Variants in EGFR observed in about 807,000 individuals in gnomAD.
EGFR encodes the protein epidermal growth factor receptor.
EGFR carries 58 observed loss-of-function variants against 143.0 expected under a neutral mutation model. That is an observed-to-expected ratio of 0.41 (90% CI 0.33 to 0.50). The LOEUF is 0.50. Among genes scored for constraint, EGFR ranks in the 20% least tolerant of loss-of-function variants. The probability of loss-of-function intolerance (pLI) is 0.39; values close to 1 mark genes in which losing one functional copy is unlikely to be tolerated. For synonymous variants in EGFR, 613 were observed against 594.4 expected (o/e 1.03, Z -0.45); for missense variants, 1,307 against 1,579.0 (o/e 0.83, Z 2.92).
At chr7:55,118,577 C>G (rs1195854934) in intron 1 of EGFR, among the ~76,000 whole-genome samples, 1 of 152,164 alleles carries the variant, frequency 6.6e-6, no homozygotes, top group Non-Finnish European at 1.5e-5. Flanking sequence ...CACTATGTGT[C>G]AGGCCACCAC....
chr7:55,156,018 A>C, intron 8 of EGFR, 72 bp downstream of exon 8: 2 of 984,624 alleles, frequency 2.0e-6, no homozygotes, highest in African/African-American at 1.6e-5. Flanking sequence ...GCCACCTCCA[A>C]AGGAACACAT....
intron 1 of EGFR, among the ~76,000 whole-genome samples, chr7:55,107,423 G>A (rs181821867): frequency 2.6e-4 from 39 of 151,972 alleles, no homozygotes; most frequent in African/African-American, 9.2e-4. Context: ...TTTGTTTTCC[G>A]TGGCACCTAT....
chr7:55,048,271 A>G (rs12531163), intron 1 of EGFR, among the ~76,000 whole-genome samples: 16,923 of 152,168 alleles, frequency 0.11, 2,058 homozygotes, highest in African/African-American at 0.3. Context: ...TGGGTGACAC[A>G]TATGTGTTGT....
intron 14 of EGFR, 29 bp downstream of exon 14, chr7:55,163,852 C>A (rs751278590): frequency 6.2e-7 from 1 of 1,611,648 alleles, no homozygotes; most frequent in Admixed American, 1.7e-5. Context: ...TATCCACGTC[C>A]ATTTCATGGG....
chr7:55,174,125 G>A (rs992084694), intron 18 of EGFR, 82 bp downstream of exon 18: 2 of 1,577,068 alleles, frequency 1.3e-6, no homozygotes, highest in African/African-American at 1.4e-5. Flanking sequence ...CTTGCAAGCT[G>A]TATATTTCCA....
At chr7:55,157,226 T>G (rs1785469418) in intron 10 of EGFR, among the ~76,000 whole-genome samples, 1 of 152,230 alleles carries the variant, frequency 6.6e-6, no homozygotes, top group Admixed American at 6.5e-5. Flanking sequence ...CCGCCTGAGC[T>G]CCGCTTCCTT....
chr7:55,056,252 TA>T (rs753556803), intron 1 of EGFR, among the ~76,000 whole-genome samples: 20 of 152,200 alleles, frequency 1.3e-4, no homozygotes, highest in Admixed American at 3.9e-4. Flanking sequence ...AGCCTCTGTG[TA>T]TGTGAAGGCC....
In EGFR at chr7:55,211,358, C is replaced by G. The variant is rs1000846371; in HGVS notation, c.*5741C>G. The G allele has an allele frequency of 6.6e-6, 1 of 152,144 alleles. No homozygotes were observed. Among genetic ancestry groups the G allele is most frequent in the African/African-American group, 2.4e-5 (1 of 41,416 alleles). 9.4% of individuals were successfully genotyped at this position (152,144 alleles called of 1,614,324 possible). On this transcript the variant is annotated 3_prime_UTR_variant, in exon 28 of 28. Coordinates refer to ENST00000275493, the MANE Select transcript of EGFR (RefSeq NM_005228.5). Reference sequence around the variant, plus strand: ...CTGGTATTAGAGGTGACAATGTAACCGATTAACAACAGACAGCAATAACTT... The same window carrying G: ...CTGGTATTAGAGGTGACAATGTAACGGATTAACAACAGACAGCAATAACTT...
chr7:55,088,609 C>T (rs904197007), intron 1 of EGFR, among the ~76,000 whole-genome samples: 20 of 152,192 alleles, frequency 1.3e-4, no homozygotes, highest in African/African-American at 4.6e-4. Flanking sequence ...AGGGGAGTTC[C>T]TCTGGGCATG....
chr7:55,128,827 C>G (rs184866583), intron 1 of EGFR, among the ~76,000 whole-genome samples: 47 of 152,280 alleles, frequency 3.1e-4, no homozygotes, highest in African/African-American at 1.1e-3. Context: ...AAAAATACTT[C>G]CTCATCCAAA....
Position 55,211,545 on chromosome 7 carries a change from G to C in EGFR, c.*5928G>C, listed in dbSNP as rs1296890302. ...ATCAGAAATGTTGATTGTGCATTGA[G>C]TATTAAAAAATTAGATGTATATTAT... is the stretch of plus-strand genomic sequence containing the variant. On this transcript the variant is annotated 3_prime_UTR_variant, in exon 28 of 28. Transcript: ENST00000275493. 1 of 152,112 alleles carries C rather than the reference G, an allele frequency of 6.6e-6. No individual in the cohort carries two copies. Among genetic ancestry groups the C allele is most frequent in the Non-Finnish European group, 1.5e-5 (1 of 68,024 alleles). 9.4% of individuals were successfully genotyped at this position (152,112 alleles called of 1,614,324 possible). A position where few individuals can be genotyped will look rare whatever the true frequency, so the allele number is the denominator to read the frequency against.
chr7:55,161,739 T>C (rs1198169377), intron 13 of EGFR, 108 bp downstream of exon 13: 3 of 1,579,790 alleles, frequency 1.9e-6, no homozygotes, highest in Non-Finnish European at 2.6e-6. Context: ...TTTTATTCTT[T>C]GCCCTTGGCT....
chr7:55,084,987 G>A (rs17336017), intron 1 of EGFR, among the ~76,000 whole-genome samples: 2,909 of 152,184 alleles, frequency 0.019, 55 homozygotes, highest in South Asian at 0.068. Context: ...GAGTCAACCG[G>A]GAGGAAGGCA....
At chr7:55,185,419 G>A (rs1040641351) in intron 20 of EGFR, among the ~76,000 whole-genome samples, 1 of 152,162 alleles carries the variant, frequency 6.6e-6, no homozygotes, top group Non-Finnish European at 1.5e-5. Context: ...GGATTTACAA[G>A]CCAGCTAGTA....
At chr7:55,135,635 A>G (rs1794092091) in intron 1 of EGFR, among the ~76,000 whole-genome samples, 1 of 152,224 alleles carries the variant, frequency 6.6e-6, no homozygotes. Flanking sequence ...GAAAATTTAA[A>G]TAAGTGTATT....
In EGFR at chr7:55,165,446, A is replaced by G. The variant is rs1015042639; in HGVS notation, c.1880+9A>G. Reference sequence around the variant, plus strand: ...CCAAACTGCACCTACGGGTGAGTGGAAAGTGAAGGAGAACAGAACATTTCC... The same window carrying G: ...CCAAACTGCACCTACGGGTGAGTGGGAAGTGAAGGAGAACAGAACATTTCC... On this transcript the variant is annotated intron_variant, in intron 15 of 27. Coordinates refer to ENST00000275493, the MANE Select transcript of EGFR (RefSeq NM_005228.5). The G allele has an allele frequency of 5.6e-6, 9 of 1,606,528 alleles. No individual in the cohort carries two copies. The highest frequency in any genetic ancestry group is 2.6e-6 in the Non-Finnish European group (3 of 1,174,734).
chr7:55,057,805 C>T (rs1166818197), intron 1 of EGFR, among the ~76,000 whole-genome samples: 1 of 152,154 alleles, frequency 6.6e-6, no homozygotes, highest in African/African-American at 2.4e-5. Flanking sequence ...GTGAGGTTAG[C>T]GGAGGCAGAG....
chr7:55,153,758 C>G lies in EGFR; in HGVS notation c.748-253C>G, dbSNP rs17289851. 9.1e-3 allele frequency among the ~76,000 whole-genome samples: 1,389 copies of G among 152,206 alleles called. 9 individuals carry two copies. The highest frequency in any genetic ancestry group is 0.013 in the Non-Finnish European group (886 of 68,002). On this transcript the variant is annotated intron_variant, in intron 6 of 27. Transcript: ENST00000275493. ...CATCATCTATACGTTAGTAAACAGA[C>G]GTATTTTTATCATAATCCATAAATT...
intron 1 of EGFR, among the ~76,000 whole-genome samples, chr7:55,054,115 G>A (rs781781657): frequency 1.3e-5 from 2 of 151,968 alleles, no homozygotes; most frequent in African/African-American, 4.8e-5. Flanking sequence ...CTAATGGTCT[G>A]CCCGTTCTTG....
Sources: gnomAD v4.1 joint callset for allele counts (sites outside exome capture counted in the v4.1 genomes callset) on GRCh38, gnomAD v4.1.1 for gene constraint, MANE v1.5 for transcripts, NCBI Gene and HGNC (gene_info 2026-07-23, HGNC 2026-07-21) for gene names.